Variants in EMC3 observed in about 807,000 individuals in gnomAD.
The protein encoded by EMC3 is 30 kDa protein.
In EMC3, 13 loss-of-function variants were observed where a neutral mutation model predicts 36.6. The observed-to-expected ratio is 0.35, with a 90% CI of 0.23 to 0.56. The LOEUF is 0.56. EMC3 is among the 20% of genes least tolerant of loss of function. EMC3 has a pLI of 0.84. For synonymous variants in EMC3, 120 were observed against 111.9 expected (o/e 1.07, Z -0.46); for missense variants, 220 against 324.5 (o/e 0.68, Z 2.47).
At chr3:9,996,688 TAGAA>T (rs2086129870) in intron 1 of EMC3, among the ~76,000 whole-genome samples, 2 of 152,148 alleles carry the variant, frequency 1.3e-5, no homozygotes, top group Admixed American at 6.5e-5. Flanking sequence ...TCAAAACATA[TAGAA>T]GAGTATCCAG....
rs780945207 is a variant in EMC3, at chr3:9,986,513, G to C, written c.149C>G (p.Ser50Cys). The part of the protein sequence containing the change: ...SDKKLTQEQV[S>C]DSQVLIRSRV... Reference sequence around the variant, plus strand: ...GAGAAGGGAGGGCGCTGACCTGTCAGATACTTGTTCCTGGGTGAGCTTCTT... The same window carrying C: ...GAGAAGGGAGGGCGCTGACCTGTCACATACTTGTTCCTGGGTGAGCTTCTT... Residue 50 changes from serine (S) to cysteine (C), a missense_variant, in exon 1 of 8, where the codon TCT becomes TGT. Ser to Cys is a moderately radical substitution (Grantham distance 112). Coordinates refer to ENST00000245046, the MANE Select transcript of EMC3 (RefSeq NM_001394674.1). The C allele has an allele frequency of 6.2e-7, 1 of 1,614,156 alleles. No homozygotes were observed. The highest frequency in any genetic ancestry group is 1.1e-5 in the South Asian group (1 of 91,072).
chr3:10,007,760 G>A (rs1329101846), intron 1 of EMC3: 1 of 893,980 alleles, frequency 1.1e-6, no homozygotes, highest in Non-Finnish European at 1.6e-6. Flanking sequence ...GAGCTTCCTT[G>A]TGGGTTCCTA....
chr3:9,987,788 C>T, upstream of EMC3: 2 of 490,104 alleles, frequency 4.1e-6, no homozygotes, highest in South Asian at 2.1e-5. Context: ...TCAAAATGTC[C>T]AACGTTTAAA....
chr3:10,007,125 C>CA, intron 1 of EMC3: 1 of 336,816 alleles, frequency 3.0e-6, no homozygotes, highest in Non-Finnish European at 5.6e-6. Flanking sequence ...GGATTCCTGT[C>CA]AGTTACTCAG....
At chr3:9,993,343 T>C (rs1211268292) in intron 1 of EMC3, among the ~76,000 whole-genome samples, 2 of 152,206 alleles carry the variant, frequency 1.3e-5, no homozygotes, top group Non-Finnish European at 1.5e-5. Flanking sequence ...GAAATGTAAA[T>C]TATTCAAACT....
At chr3:10,008,273 C>T (rs2086286157) in intron 1 of EMC3, 2 of 613,272 alleles carry the variant, frequency 3.3e-6, no homozygotes, top group Non-Finnish European at 5.3e-6. Context: ...TGTGGTAGAG[C>T]TTGACATCTC....
At chr3:10,008,374 C>T (rs1291082740) in intron 1 of EMC3, 1 of 1,365,148 alleles carries the variant, frequency 7.3e-7, no homozygotes. Flanking sequence ...CAAAAACCCA[C>T]AAACAGAGAA....
At chr3:9,976,464 A>C (rs1273440332) in intron 3 of EMC3, among the ~76,000 whole-genome samples, 1 of 152,226 alleles carries the variant, frequency 6.6e-6, no homozygotes, top group Admixed American at 6.5e-5. Flanking sequence ...TGGAAGTAGA[A>C]AATGTTAGAG....
At position 9,963,475 on chromosome 3, in the gene EMC3, A is replaced by ATTTT. The variant is rs1461623657; in HGVS notation, c.*593_*594insAAAA. 3.9e-5 allele frequency: 4 copies of ATTTT among 102,558 alleles called. No homozygotes were observed. Among genetic ancestry groups the ATTTT allele is most frequent in the African/African-American group, 7.0e-5 (2 of 28,720 alleles). The allele number at this position is 102,558 out of a possible 1,614,324, so 6.4% of individuals were successfully genotyped here. A position where few individuals can be genotyped will look rare whatever the true frequency, so the allele number is the denominator to read the frequency against. ...GATAGATATATATATATATATATAT[A>ATTTT]TATTTTTTTTTTTTTTTCAGATGGA... On this transcript the variant is annotated 3_prime_UTR_variant, in exon 8 of 8. Coordinates refer to ENST00000245046, the MANE Select transcript of EMC3 (RefSeq NM_001394674.1).
chr3:9,988,808 G>C, upstream of EMC3: 1 of 1,060,386 alleles, frequency 9.4e-7, no homozygotes, highest in South Asian at 1.3e-5. Context: ...ACATTGGCTA[G>C]CTTGCCTTCC....
At chr3:9,973,537 C>A (rs1296416377) in intron 5 of EMC3, 91 bp downstream of exon 5, 4 of 1,157,456 alleles carry the variant, frequency 3.5e-6, no homozygotes, top group Non-Finnish European at 3.9e-6. Flanking sequence ...GTTGCCCAGG[C>A]TGGTCTCAAA....
At chr3:10,006,068 C>T (rs1010605725) in intron 1 of EMC3, among the ~76,000 whole-genome samples, 2 of 152,200 alleles carry the variant, frequency 1.3e-5, no homozygotes, top group African/African-American at 4.8e-5. Flanking sequence ...TCGGGGAAGC[C>T]AGGAAGTTTT....
intron 1 of EMC3, chr3:10,007,062 CTT>C (rs1032612136): frequency 6.5e-6 from 2 of 305,864 alleles, no homozygotes; most frequent in Admixed American, 9.4e-5. Flanking sequence ...TTTGCACCCT[CTT>C]TGCACAGAAC....
At chr3:10,007,581 C>G in intron 1 of EMC3, 2 of 1,367,442 alleles carry the variant, frequency 1.5e-6, no homozygotes, top group Non-Finnish European at 2.0e-6. Flanking sequence ...GGCAGGCATC[C>G]TGGGTGTCAG....
chr3:9,991,423 T>C (rs1338643983), upstream of EMC3, among the ~76,000 whole-genome samples: 1 of 152,250 alleles, frequency 6.6e-6, no homozygotes, highest in East Asian at 1.9e-4. Flanking sequence ...CAAGCTGTAA[T>C]TGTGTGCAAG....
intron 1 of EMC3, 80 bp downstream of exon 1, chr3:9,986,427 G>C (rs544989288): frequency 6.4e-7 from 1 of 1,552,118 alleles, no homozygotes; most frequent in African/African-American, 1.4e-5. Context: ...CGTGAACCTA[G>C]GCAAATTGAC....
chr3:9,996,161 T>C (rs1354031409), intron 1 of EMC3, among the ~76,000 whole-genome samples: 8 of 152,342 alleles, frequency 5.3e-5, no homozygotes, highest in South Asian at 2.1e-4. Flanking sequence ...TGTTTGTGGA[T>C]GCCATTCACT....
At chr3:9,987,175 C>A (rs1304731440), upstream of EMC3, 1 of 902,034 alleles carries the variant, frequency 1.1e-6, no homozygotes, top group African/African-American at 1.9e-5. Flanking sequence ...GATTGCTGCA[C>A]TGCACTCCAG....
At chr3:9,974,859 T>G (rs1254606182) in intron 3 of EMC3, among the ~76,000 whole-genome samples, 6 of 109,114 alleles carry the variant, frequency 5.5e-5, no homozygotes, top group Admixed American at 2.9e-4. Context: ...CACCCAGCGT[T>G]TTTTTTTTTT....
Sources: gnomAD v4.1 joint callset for allele counts (sites outside exome capture counted in the v4.1 genomes callset) on GRCh38, gnomAD v4.1.1 for gene constraint, MANE v1.5 for transcripts, NCBI Gene and HGNC (gene_info 2026-07-23, HGNC 2026-07-21) for gene names.